MASP1: variants seen among roughly 807,000 people sequenced by gnomAD.
MASP1 encodes MBL associated serine protease 1.
A neutral mutation model predicts 77.1 loss-of-function variants in MASP1; 59 were observed. That is an observed-to-expected ratio of 0.77 (90% CI 0.62 to 0.95). The LOEUF (loss-of-function observed/expected upper bound fraction) is 0.95. Among genes scored for constraint, MASP1 ranks in the 40% least tolerant of loss-of-function variants. The probability of loss-of-function intolerance (pLI) is 0.00; values close to 1 mark genes in which losing one functional copy is unlikely to be tolerated. For synonymous variants in MASP1, 362 were observed against 354.5 expected (o/e 1.02, Z -0.24); for missense variants, 885 against 912.9 (o/e 0.97, Z 0.39).
chr3:187,251,813 C>T, intron 6 of MASP1, 61 bp from the exon 7 acceptor site: 1 of 1,297,730 alleles, frequency 7.7e-7, no homozygotes, highest in Non-Finnish European at 1.1e-6. Flanking sequence ...CTTAAAGGGC[C>T]AGTCCCTAGA....
At position 187,241,548 on chromosome 3, in the gene MASP1, A is replaced by T. The variant is rs1713640597; in HGVS notation, c.1236T>A (p.Tyr412Ter). 1.2e-6 allele frequency: 2 copies of T among 1,611,698 alleles called. No homozygotes were observed. Among genetic ancestry groups the T allele is most frequent in the African/African-American group, 1.3e-5 (1 of 74,854 alleles). The change falls in exon 10 of 11, where the codon TAT (tyrosine) becomes TAA (stop). Residue 412 changes from tyrosine to a stop codon, truncating the protein, a stop_gained. Coordinates refer to ENST00000296280, the MANE Select transcript of MASP1 (RefSeq NM_139125.4). LOFTEE classifies it high-confidence loss of function. ...YKMLNNNTGI[Y>*]TCSAQGVWMN... ...TCCAGACTCCTTGGGCAGAACAGGT[A>T]TATATACCTGGATTAGTGAAAGAGG... is the stretch of plus-strand genomic sequence containing the variant.
chr3:187,217,727 C>A (rs931790078), exon 16 of MASP1: 11 of 152,174 alleles, frequency 7.2e-5, no homozygotes, highest in Non-Finnish European at 1.5e-4. Context: ...AGTGCAGGAG[C>A]TGGCACAGCT....
Position 187,234,351 on chromosome 3 carries a change from C to T in MASP1, c.*1333G>A. 1 of 1,287,242 alleles carries T rather than the reference C, an allele frequency of 7.8e-7. No homozygotes were observed. Among genetic ancestry groups the T allele is most frequent in the Non-Finnish European group, 1.0e-6 (1 of 988,698 alleles). The allele number at this position is 1,287,242 out of a possible 1,614,324, so 79.7% of individuals were successfully genotyped here. On this transcript the variant is annotated 3_prime_UTR_variant, in exon 11 of 11. Transcript: ENST00000296280. ...GAGCTCCAGGGAGAAGGAGAACAAT[C>T]AGCCCTGTGAGGGCCAGAGAGGCTG...
chr3:187,220,277 A>C (rs1331727110), intron 15 of MASP1: 1 of 1,612,380 alleles, frequency 6.2e-7, no homozygotes, highest in Non-Finnish European at 8.5e-7. Flanking sequence ...TGAAAAAGAG[A>C]CATAGATGAA....
At chr3:187,280,986 A>G (rs1434879051) in intron 2 of MASP1, among the ~76,000 whole-genome samples, 1 of 152,224 alleles carries the variant, frequency 6.6e-6, no homozygotes, top group South Asian at 2.1e-4. Flanking sequence ...AGTCCATTTT[A>G]GGTGCAGTCA....
Position 187,235,493 on chromosome 3 carries a change from T to G in MASP1, c.*191A>C, listed in dbSNP as rs1014777526. The G allele has an allele frequency of 2.0e-6, 3 of 1,525,894 alleles. No homozygotes were observed. The African/African-American group carries it at 4.1e-5, about 21-fold the overall frequency. 94.5% of individuals were successfully genotyped at this position (1,525,894 alleles called of 1,614,324 possible). On this transcript the variant is annotated 3_prime_UTR_variant, in exon 11 of 11. Transcript: ENST00000296280. ...ACTTGGACAAGCTCAGGAACACAGG[T>G]CTCCTGCCTGGAGCCTTTTCCCTAT...
chr3:187,287,155 T>C (rs1352350417), intron 1 of MASP1, among the ~76,000 whole-genome samples: 6 of 152,212 alleles, frequency 3.9e-5, no homozygotes, highest in Non-Finnish European at 7.3e-5. Context: ...AGGACCACAC[T>C]GTTCTACTGT....
intron 2 of MASP1, among the ~76,000 whole-genome samples, chr3:187,270,845 T>G (rs568171773): frequency 1.8e-4 from 28 of 152,288 alleles, no homozygotes; most frequent in Non-Finnish European, 3.5e-4. Context: ...GATGAGAAAC[T>G]AAGGCCAAAG....
Position 187,241,485 on chromosome 3 carries a change from A to G in MASP1, c.1299T>C (p.Leu433=). ...AGGATTTGGAGGGTGAGGTACCTGG[A>G]AGGCAGGTGGGTAGGCTTCTCCCCA... ...KVLGRSLPTC[L]PECGQPSRSL... is the part of the protein sequence containing the mutation. Residue 433 remains leucine, a synonymous_variant, in exon 10 of 11, where the codon CTT becomes CTC. Transcript: ENST00000296280. 2 of 1,613,600 alleles carry G rather than the reference A, an allele frequency of 1.2e-6. No individual in the cohort carries two copies. Among genetic ancestry groups the G allele is most frequent in the Admixed American group, 3.3e-5 (2 of 60,010 alleles).
At chr3:187,249,337 C>T (rs1714368849) in intron 8 of MASP1, among the ~76,000 whole-genome samples, 1 of 152,154 alleles carries the variant, frequency 6.6e-6, no homozygotes, top group Non-Finnish European at 1.5e-5. Flanking sequence ...GCATTACCAG[C>T]GTGAGCCACC....
intron 10 of MASP1, among the ~76,000 whole-genome samples, chr3:187,239,423 C>T (rs1713448717): frequency 1.3e-5 from 2 of 152,056 alleles, no homozygotes; most frequent in East Asian, 3.9e-4. Flanking sequence ...GATCCCAGAC[C>T]CAGAGATATG....
intron 7 of MASP1, among the ~76,000 whole-genome samples, chr3:187,250,829 G>A (rs1247551315): frequency 2.6e-5 from 4 of 152,156 alleles, no homozygotes; most frequent in African/African-American, 9.7e-5. Context: ...ACCAATCACT[G>A]GTCCCAGCCC....
intron 2 of MASP1, among the ~76,000 whole-genome samples, chr3:187,283,351 C>T (rs1190660824): frequency 6.6e-6 from 1 of 152,196 alleles, no homozygotes; most frequent in Non-Finnish European, 1.5e-5. Flanking sequence ...CAAAATGCTG[C>T]TTTATGTCAG....
intron 8 of MASP1, chr3:187,244,715 T>C (rs936328252): frequency 6.6e-6 from 1 of 152,202 alleles, no homozygotes; most frequent in Non-Finnish European, 1.5e-5. Context: ...GAACTAGTGG[T>C]TCTTAAGGAT....
rs1714460904 is a variant in MASP1, at chr3:187,250,330, C to G, written c.1012-1G>C. On this transcript the variant is annotated splice_acceptor_variant, in intron 7 of 10. Transcript: ENST00000296280. LOFTEE classifies it high-confidence loss of function. The stretch of plus-strand genomic sequence containing the variant: ...GGAATGTGTCCATCTCCACATTATC[C>G]TGGGAAGAGACAGGAAGAAGGGAGT... 6.2e-7 allele frequency: 1 copy of G among 1,611,324 alleles called. No individual in the cohort carries two copies. The highest frequency in any genetic ancestry group is 8.5e-7 in the Non-Finnish European group (1 of 1,177,588).
intron 10 of MASP1, among the ~76,000 whole-genome samples, chr3:187,237,364 C>T (rs997212962): frequency 1.3e-5 from 2 of 152,208 alleles, no homozygotes; most frequent in African/African-American, 2.4e-5. Context: ...GTATCCCACA[C>T]GGACTTAACA....
At chr3:187,290,770 T>TTG (rs55722614) in intron 1 of MASP1, among the ~76,000 whole-genome samples, 15,208 of 149,796 alleles carry the variant, frequency 0.1, 766 homozygotes, top group Non-Finnish European at 0.11. Flanking sequence ...CTGCAGAGCA[T>TTG]TGTGTGTGTG....
intron 7 of MASP1, among the ~76,000 whole-genome samples, chr3:187,250,884 A>AT (rs1026080531): frequency 1.3e-4 from 20 of 152,144 alleles, no homozygotes; most frequent in African/African-American, 4.3e-4. Flanking sequence ...CTGGGAGGTG[A>AT]TTTTTTTAAA....
At chr3:187,286,119 A>C in intron 1 of MASP1, 63 bp from the exon 2 acceptor site, 8 of 1,296,590 alleles carry the variant, frequency 6.2e-6, no homozygotes, top group South Asian at 1.2e-5. Context: ...ATTCATCTCA[A>C]TCACAGCCAG....
Sources: gnomAD v4.1 joint callset for allele counts (sites outside exome capture counted in the v4.1 genomes callset) on GRCh38, gnomAD v4.1.1 for gene constraint, MANE v1.5 for transcripts, NCBI Gene and HGNC (gene_info 2026-07-23, HGNC 2026-07-21) for gene names.